Variants in VRTN observed in about 807,000 individuals in gnomAD.
The protein encoded by VRTN is vertnin.
Under a neutral mutation model 18.2 loss-of-function variants are expected in VRTN, and 5 were observed. The observed-to-expected ratio is 0.27, with a 90% confidence interval of 0.14 to 0.58. The LOEUF (loss-of-function observed/expected upper bound fraction) is 0.58, where lower values mean the gene tolerates loss of function less well. VRTN is among the 20% of genes least tolerant of loss of function. The pLI is 0.91. For missense variants in VRTN, 741 were observed against 939.4 expected, an observed-to-expected ratio of 0.79 and a Z score of 2.76; for synonymous variants, 381 against 393.7, an observed-to-expected ratio of 0.97 and a Z score of 0.38.
chr14:74,325,809 C>T (rs2085484328), intron 1 of VRTN, among the ~76,000 whole-genome samples: 2 of 152,186 alleles, frequency 1.3e-5, no homozygotes, highest in South Asian at 4.1e-4. Flanking sequence ...AATATTAATA[C>T]ATAATAAACA....
intron 1 of VRTN, among the ~76,000 whole-genome samples, chr14:74,315,522 G>C (rs1278819464): frequency 6.6e-6 from 1 of 152,130 alleles, no homozygotes; most frequent in African/African-American, 2.4e-5. Flanking sequence ...AACATAGCAT[G>C]ACCCTGTCTC....
intron 1 of VRTN, among the ~76,000 whole-genome samples, chr14:74,353,107 T>G (rs1371522975): frequency 6.6e-6 from 1 of 152,082 alleles, no homozygotes; most frequent in Admixed American, 6.6e-5. Context: ...GAGACCACCC[T>G]GTCGGACATG....
rs559178222 is a variant in VRTN, at chr14:74,313,542, G to A, written c.-164+10366G>A. On this transcript the variant is annotated intron_variant, in intron 1 of 2. Transcript: ENST00000557177. ...GTGACATCTTCCCCAAGTGAGAACA[G>A]CCTATTAAATTTGTGAGCAGGAGGG... 5.3e-5 allele frequency among the ~76,000 whole-genome samples: 8 copies of A among 152,318 alleles called. No individual in the cohort carries two copies. In the East Asian group the frequency reaches 1.3e-3, roughly 26 times the overall value.
At chr14:74,332,313 C>T (rs935647312) in intron 1 of VRTN, among the ~76,000 whole-genome samples, 1 of 144,892 alleles carries the variant, frequency 6.9e-6, no homozygotes, top group African/African-American at 2.6e-5. Flanking sequence ...CTTTCCCCCT[C>T]CGGAGGATCG....
intron 2 of VRTN, among the ~76,000 whole-genome samples, chr14:74,340,227 T>G (rs1023286053): frequency 2.0e-5 from 3 of 151,786 alleles, no homozygotes; most frequent in Admixed American, 6.6e-5. Flanking sequence ...ATTCTCCTAC[T>G]TCAGCCTCCC....
At chr14:74,340,403 C>T (rs1347617196) in intron 2 of VRTN, among the ~76,000 whole-genome samples, 8 of 151,080 alleles carry the variant, frequency 5.3e-5, no homozygotes, top group Non-Finnish European at 7.4e-5. Flanking sequence ...TGAGCCACCG[C>T]GCCCGGCCAT....
At chr14:74,354,187 A>G (rs1417225997) in intron 1 of VRTN, among the ~76,000 whole-genome samples, 8 of 152,116 alleles carry the variant, frequency 5.3e-5, no homozygotes, top group Admixed American at 1.3e-4. Context: ...TCTATATTCA[A>G]TCTGTTTTGA....
At chr14:74,334,625 A>G (rs1315753505) in intron 1 of VRTN, among the ~76,000 whole-genome samples, 2 of 152,248 alleles carry the variant, frequency 1.3e-5, no homozygotes, top group Non-Finnish European at 2.9e-5. Flanking sequence ...TCCAAATTTT[A>G]TAGGTTAACA....
intron 2 of VRTN, among the ~76,000 whole-genome samples, chr14:74,343,431 G>A (rs540893509): frequency 6.6e-6 from 1 of 152,118 alleles, no homozygotes; most frequent in African/African-American, 2.4e-5. Flanking sequence ...TGACTGGCCT[G>A]GTATAACTTC....
intron 1 of VRTN, among the ~76,000 whole-genome samples, chr14:74,309,986 T>C (rs2085376907): frequency 6.6e-6 from 1 of 152,198 alleles, no homozygotes; most frequent in Admixed American, 6.5e-5. Context: ...CAAGGATGTT[T>C]CTACAGCATA....
At chr14:74,303,923 C>T (rs1021423499) in intron 1 of VRTN, among the ~76,000 whole-genome samples, 1 of 143,186 alleles carries the variant, frequency 7.0e-6, no homozygotes, top group African/African-American at 2.7e-5. Context: ...GCGATATCGG[C>T]TCACGGCAAC....
chr14:74,340,257 C>A (rs28430983), intron 2 of VRTN, among the ~76,000 whole-genome samples: 4 of 152,138 alleles, frequency 2.6e-5, no homozygotes, highest in Non-Finnish European at 4.4e-5. Context: ...GGATTATAGG[C>A]ATGTGCCACC....
At chr14:74,349,359 C>T (rs1021012100) in intron 1 of VRTN, among the ~76,000 whole-genome samples, 16 of 152,180 alleles carry the variant, frequency 1.1e-4, no homozygotes, top group Non-Finnish European at 1.6e-4. Context: ...TGCAGTCGGG[C>T]TGGTGTGGCC....
chr14:74,319,327 G>C (rs563426589), intron 1 of VRTN, among the ~76,000 whole-genome samples: 100 of 152,286 alleles, frequency 6.6e-4, no homozygotes, highest in Admixed American at 3.5e-3. Flanking sequence ...AGCCCGGCCC[G>C]CGCCTGGCCC....
intron 1 of VRTN, among the ~76,000 whole-genome samples, chr14:74,336,288 TC>T (rs2085563636): frequency 6.6e-6 from 1 of 151,834 alleles, no homozygotes; most frequent in Non-Finnish European, 1.5e-5. Flanking sequence ...ATGCTTGTAA[TC>T]CCAGCTGCTC....
chr14:74,304,098 G>T (rs1224736376), intron 1 of VRTN, among the ~76,000 whole-genome samples: 1 of 150,978 alleles, frequency 6.6e-6, no homozygotes, highest in African/African-American at 2.4e-5. Flanking sequence ...TGATCTGCCC[G>T]CCTTGGCTTT....
chr14:74,337,292 G>A (rs1352368726), intron 1 of VRTN, among the ~76,000 whole-genome samples: 3 of 152,084 alleles, frequency 2.0e-5, no homozygotes, highest in South Asian at 2.1e-4. Context: ...GCAGTGAGCC[G>A]AGATCGTGCC....
intron 1 of VRTN, among the ~76,000 whole-genome samples, chr14:74,334,165 G>A (rs2085548498): frequency 6.6e-6 from 1 of 152,202 alleles, no homozygotes; most frequent in South Asian, 2.1e-4. Flanking sequence ...CTGGTTTGTG[G>A]TTTGGCTCTG....
At chr14:74,346,874 A>G (rs139904169), upstream of VRTN, among the ~76,000 whole-genome samples, 3,094 of 152,244 alleles carry the variant, frequency 0.02, 53 homozygotes, top group Non-Finnish European at 0.031. Context: ...AAAAATTTTT[A>G]AATTATCTTC....
Sources: gnomAD v4.1 joint callset for allele counts (sites outside exome capture counted in the v4.1 genomes callset) on GRCh38, gnomAD v4.1.1 for gene constraint, MANE v1.5 for transcripts, NCBI Gene and HGNC (gene_info 2026-07-23, HGNC 2026-07-21) for gene names.